Variants in SH2D4B observed in about 807,000 individuals in gnomAD.
SH2D4B encodes SH2 domain-containing protein 4B.
SH2D4B carries 45 observed loss-of-function variants against 61.5 expected under a neutral mutation model. The observed-to-expected ratio is 0.73, with a 90% CI of 0.58 to 0.94. SH2D4B has a LOEUF of 0.94. Ranked by LOEUF, SH2D4B falls within the 40% of genes least tolerant of loss-of-function variation. The pLI is 0.00. For missense variants in SH2D4B, 572 were observed against 574.2 expected (o/e 1.00, Z 0.04); for synonymous variants, 224 against 220.4 (o/e 1.02, Z -0.14).
intron 4 of SH2D4B, among the ~76,000 whole-genome samples, chr10:80,596,787 C>A (rs11186222): frequency 6.6e-6 from 1 of 152,052 alleles, no homozygotes; most frequent in Admixed American, 6.5e-5. Context: ...AGTGCTGGTG[C>A]GTAGCTCAAC....
At chr10:80,616,981 C>T (rs866958285) in intron 6 of SH2D4B, among the ~76,000 whole-genome samples, 16 of 152,200 alleles carry the variant, frequency 1.1e-4, no homozygotes, top group Admixed American at 6.5e-5. Context: ...AGCATTAGCC[C>T]CATTTCACAA....
At chr10:80,589,658 G>A (rs1842302850) in intron 4 of SH2D4B, among the ~76,000 whole-genome samples, 1 of 152,240 alleles carries the variant, frequency 6.6e-6, no homozygotes, top group Non-Finnish European at 1.5e-5. Flanking sequence ...GCAGCAGACA[G>A]ATATATAGAC....
intron 1 of SH2D4B, among the ~76,000 whole-genome samples, chr10:80,567,467 A>T (rs1841984995): frequency 6.6e-6 from 1 of 152,200 alleles, no homozygotes; most frequent in African/African-American, 2.4e-5. Context: ...CACTGCATCC[A>T]GCTGAAAGTC....
chr10:80,621,449 AAAAT>A (rs1327053716), intron 6 of SH2D4B, among the ~76,000 whole-genome samples: 2 of 152,238 alleles, frequency 1.3e-5, no homozygotes, highest in Admixed American at 6.5e-5. Context: ...TTGATGACTA[AAAAT>A]AAATAACTTA....
intron 1 of SH2D4B, among the ~76,000 whole-genome samples, chr10:80,542,791 A>T (rs1378572458): frequency 1.3e-5 from 2 of 151,978 alleles, no homozygotes; most frequent in East Asian, 3.9e-4. Context: ...CCTGGGAGCC[A>T]GACGTCTTTC....
In SH2D4B at chr10:80,566,182, C is replaced by T. The variant is rs966929760; in HGVS notation, c.185-3972C>T. Among the ~76,000 whole-genome samples the T allele has an allele frequency of 1.6e-4, 24 of 151,334 alleles. 1 individual carries two copies. Among genetic ancestry groups the T allele is most frequent in the Non-Finnish European group, 2.9e-5 (2 of 67,930 alleles). On this transcript the variant is annotated intron_variant, in intron 1 of 7. Transcript: ENST00000646907. ...CCAGTTTGTTTGGAGAAGAAGAGCCCTTTACATGGAACGTCTGCCTACATC... is the reference window on the plus strand; with the variant it reads ...CCAGTTTGTTTGGAGAAGAAGAGCCTTTTACATGGAACGTCTGCCTACATC...
At chr10:80,574,026 A>G (rs1842094658) in intron 3 of SH2D4B, among the ~76,000 whole-genome samples, 1 of 152,244 alleles carries the variant, frequency 6.6e-6, no homozygotes, top group Non-Finnish European at 1.5e-5. Context: ...AATACCTTTA[A>G]AAGTGCTGAC....
intron 1 of SH2D4B, among the ~76,000 whole-genome samples, chr10:80,563,956 G>A (rs767087171): frequency 5.3e-5 from 8 of 152,172 alleles, no homozygotes; most frequent in Non-Finnish European, 8.8e-5. Flanking sequence ...ATTTCCATAC[G>A]TTGGTACATA....
rs955550870 is a variant in SH2D4B at position 80,645,859 on chromosome 10, T to C, written c.*1774T>C. The C allele has an allele frequency of 6.6e-6, 1 of 152,204 alleles. No homozygotes were observed. Among genetic ancestry groups the C allele is most frequent in the African/African-American group, 2.4e-5 (1 of 41,458 alleles). The allele number at this position is 152,204 out of a possible 1,614,324, so 9.4% of individuals were successfully genotyped here. On this transcript the variant is annotated 3_prime_UTR_variant, in exon 8 of 8. Transcript: ENST00000646907. Reference sequence around the variant, plus strand: ...GCTTCCCCCGGTCTACCTGTCTCACTACATGCATAAAGTGAAATGATGGAA... The same window carrying C: ...GCTTCCCCCGGTCTACCTGTCTCACCACATGCATAAAGTGAAATGATGGAA...
intron 1 of SH2D4B, among the ~76,000 whole-genome samples, chr10:80,568,452 C>T (rs1307457359): frequency 6.6e-6 from 1 of 152,094 alleles, no homozygotes; most frequent in Non-Finnish European, 1.5e-5. Context: ...CTAACAGCAG[C>T]CTCTGGGAAG....
At chr10:80,561,464 C>T (rs1218749272) in intron 1 of SH2D4B, among the ~76,000 whole-genome samples, 1 of 152,072 alleles carries the variant, frequency 6.6e-6, no homozygotes, top group African/African-American at 2.4e-5. Context: ...CTCTAAAGAA[C>T]CAATGAGTAA....
intron 5 of SH2D4B, 45 bp downstream of exon 5, chr10:80,603,840 G>C: frequency 6.4e-7 from 1 of 1,565,984 alleles, no homozygotes; most frequent in Non-Finnish European, 8.7e-7. Flanking sequence ...AAGGGCCTTG[G>C]ATTAGGGCAT....
chr10:80,604,109 A>G (rs1435651943), intron 5 of SH2D4B, among the ~76,000 whole-genome samples: 1 of 152,190 alleles, frequency 6.6e-6, no homozygotes, highest in Admixed American at 6.5e-5. Flanking sequence ...GTTTGCATAC[A>G]ATTTGAGACT....
intron 3 of SH2D4B, among the ~76,000 whole-genome samples, chr10:80,582,180 CAGA>C (rs1274970982): frequency 1.3e-5 from 2 of 152,120 alleles, no homozygotes; most frequent in Non-Finnish European, 2.9e-5. Flanking sequence ...TCCCTCTGGC[CAGA>C]AGAAGAGGGA....
chr10:80,598,800 T>C (rs1200933751), intron 4 of SH2D4B, among the ~76,000 whole-genome samples: 1 of 151,904 alleles, frequency 6.6e-6, no homozygotes, highest in Non-Finnish European at 1.5e-5. Context: ...ACTGTGAACT[T>C]GTAGGAGTGT....
At position 80,584,720 on chromosome 10, in the gene SH2D4B, A is replaced by G. The variant is rs533990264; in HGVS notation, c.496-3910A>G. Among the ~76,000 whole-genome samples, 25 of 152,342 alleles carry G rather than the reference A, an allele frequency of 1.6e-4. 1 individual carries two copies. The highest frequency in any genetic ancestry group is 1.3e-4 in the Admixed American group (2 of 15,306). ...GCAGTAAACTATTTTGATGCTGATT[A>G]TTGACTTAACTACAGATTATGAGGC... On this transcript the variant is annotated intron_variant, in intron 3 of 7. Transcript: ENST00000646907.
chr10:80,631,310 A>G (rs538008119), intron 6 of SH2D4B, among the ~76,000 whole-genome samples: 13 of 152,350 alleles, frequency 8.5e-5, no homozygotes, highest in Admixed American at 6.5e-4. Flanking sequence ...GTATAGTGGC[A>G]TGATCATAGC....
intron 3 of SH2D4B, among the ~76,000 whole-genome samples, chr10:80,579,525 A>T (rs1468284359): frequency 6.6e-6 from 1 of 152,014 alleles, no homozygotes; most frequent in East Asian, 1.9e-4. Context: ...CTCAATAAAC[A>T]TCCTGTGCTC....
At chr10:80,579,018 G>T (rs1271505841) in intron 3 of SH2D4B, among the ~76,000 whole-genome samples, 1 of 152,174 alleles carries the variant, frequency 6.6e-6, no homozygotes, top group Non-Finnish European at 1.5e-5. Context: ...AGCTGGGGAG[G>T]GTGTGCAGAT....
Sources: allele counts gnomAD v4.1 joint callset (sites outside exome capture counted in the v4.1 genomes callset), GRCh38; gene constraint gnomAD v4.1.1; transcripts MANE v1.5; gene names NCBI Gene and HGNC (gene_info 2026-07-23, HGNC 2026-07-21).